Variants in WWP2 observed in about 807,000 individuals in gnomAD.
WWP2 encodes NEDD4-like E3 ubiquitin-protein ligase WWP2.
A neutral mutation model predicts 121.0 loss-of-function variants in WWP2; 57 were observed. The ratio of observed to expected loss-of-function variants is 0.47; its 90% confidence interval spans 0.38 to 0.59. The LOEUF (loss-of-function observed/expected upper bound fraction) is 0.59, where lower values mean the gene tolerates loss of function less well. Ranked by LOEUF, WWP2 falls within the 20% of genes least tolerant of loss-of-function variation. The pLI, the probability that WWP2 is intolerant of heterozygous loss-of-function variation, is 0.00. For missense variants in WWP2, 962 were observed against 1,158.9 expected, an observed-to-expected ratio of 0.83 and a Z score of 2.47; for synonymous variants, 449 against 441.3, an observed-to-expected ratio of 1.02 and a Z score of -0.22.
At position 69,925,411 on chromosome 16, in the gene WWP2, CTG is replaced by C. The variant is rs1188091054; in HGVS notation, c.1180-15_1180-14del. ...GGCTTTTTGTAACCTCTGTGTTCTGCTGTGTTTCTTGTGTTTAGTCTTCGAGT... is the reference window on the plus strand; with the variant it reads ...GGCTTTTTGTAACCTCTGTGTTCTGCTGTTTCTTGTGTTTAGTCTTCGAGT... On this transcript the variant is annotated splice_polypyrimidine_tract_variant and intron_variant, in intron 10 of 23. Transcript: ENST00000359154. This position sits in a 1 kb window ranked among gnomAD's most constrained non-coding sequence, Gnocchi z 4.0. 1 of 1,612,944 alleles carries C rather than the reference CTG, an allele frequency of 6.2e-7. No homozygotes were observed. The highest frequency in any genetic ancestry group is 2.2e-5 in the East Asian group (1 of 44,866).
At chr16:69,923,036 C>G (rs991222220) in intron 10 of WWP2, among the ~76,000 whole-genome samples, 2 of 151,984 alleles carry the variant, frequency 1.3e-5, no homozygotes, top group South Asian at 4.1e-4. Context: ...ATTATAGGTG[C>G]CTGCCACTAT....
chr16:69,846,883 T>C (rs1269916741), intron 6 of WWP2, among the ~76,000 whole-genome samples: 1 of 152,052 alleles, frequency 6.6e-6, no homozygotes, highest in African/African-American at 2.4e-5. Context: ...CAAGTGTTCA[T>C]TATTTTATTC....
At chr16:69,893,321 T>C (rs58892726) in intron 8 of WWP2, among the ~76,000 whole-genome samples, 5,663 of 152,280 alleles carry the variant, frequency 0.037, 298 homozygotes, top group African/African-American at 0.12. Flanking sequence ...CAGAGTAGGC[T>C]CCCAAGACAT....
At chr16:69,883,037 C>T (rs1484251390) in intron 7 of WWP2, among the ~76,000 whole-genome samples, 1 of 151,910 alleles carries the variant, frequency 6.6e-6, no homozygotes, top group Non-Finnish European at 1.5e-5. Flanking sequence ...CTTGTAATCC[C>T]AGCTACTTGG....
intron 9 of WWP2, chr16:69,910,415 CTTT>C (rs796675658): frequency 3.6e-5 from 27 of 750,184 alleles, no homozygotes; most frequent in Non-Finnish European, 4.4e-5. Context: ...TGTACTGTGG[CTTT>C]TTTTTTTTTA....
intron 8 of WWP2, among the ~76,000 whole-genome samples, chr16:69,900,593 G>C (rs1212843445): frequency 6.6e-6 from 1 of 151,928 alleles, no homozygotes; most frequent in African/African-American, 2.4e-5. Context: ...TGCGATCTCA[G>C]ATCACTGCAT....
At chr16:69,918,814 T>A (rs973994293) in intron 10 of WWP2, among the ~76,000 whole-genome samples, 26 of 151,952 alleles carry the variant, frequency 1.7e-4, no homozygotes, top group African/African-American at 6.3e-4. Context: ...ACCTAAAGAG[T>A]AACATTTAAA....
At chr16:69,927,632 G>A (rs2058658144) in intron 11 of WWP2, among the ~76,000 whole-genome samples, 1 of 152,202 alleles carries the variant, frequency 6.6e-6, no homozygotes, top group East Asian at 1.9e-4. Flanking sequence ...CTGGCCCTGT[G>A]GTTAGCCTTG....
intron 19 of WWP2, 145 bp from the exon 20 acceptor site, chr16:69,936,973 G>C (rs2058809192): frequency 3.5e-5 from 41 of 1,156,428 alleles, no homozygotes; most frequent in Non-Finnish European, 4.7e-5. Flanking sequence ...CCTCACTCTA[G>C]GTCCTCCAGC....
At chr16:69,829,442 C>T (rs1014811180) in intron 4 of WWP2, among the ~76,000 whole-genome samples, 1 of 152,200 alleles carries the variant, frequency 6.6e-6, no homozygotes, top group African/African-American at 2.4e-5. Flanking sequence ...ACTCAGTCCT[C>T]CCACCCATTT....
At chr16:69,902,278 AAGATGGCAATTGTG>A in intron 8 of WWP2, among the ~76,000 whole-genome samples, 1 of 152,342 alleles carries the variant, frequency 6.6e-6, no homozygotes, top group African/African-American at 2.4e-5. Flanking sequence ...TTAACCTGTG[AAGATGGCAATTGTG>A]AGTGGATTGG....
In WWP2 at chr16:69,930,322, C is replaced by G. The variant is rs1452294519; in HGVS notation, c.1445+64C>G. Reference sequence around the variant, plus strand: ...GAGGCCCAGGCTGTCCTTGTTCTGGCTCTGGGAGGCCCACTTTGGGTGGCC... The same window carrying G: ...GAGGCCCAGGCTGTCCTTGTTCTGGGTCTGGGAGGCCCACTTTGGGTGGCC... On this transcript the variant is annotated intron_variant, in intron 13 of 23. Coordinates refer to ENST00000359154, the MANE Select transcript of WWP2 (RefSeq NM_001270454.2). The G allele has an allele frequency of 2.5e-6, 4 of 1,588,930 alleles. No individual in the cohort carries two copies. In the African/African-American group the frequency reaches 5.4e-5, roughly 21 times the overall value.
At chr16:69,869,988 G>A (rs922260849) in intron 6 of WWP2, among the ~76,000 whole-genome samples, 1 of 152,264 alleles carries the variant, frequency 6.6e-6, no homozygotes, top group Non-Finnish European at 1.5e-5. Context: ...CAAAAAAATA[G>A]CCCAAGAGGA....
chr16:69,871,021 C>T (rs748705670), intron 6 of WWP2, among the ~76,000 whole-genome samples: 1 of 152,138 alleles, frequency 6.6e-6, no homozygotes, highest in Non-Finnish European at 1.5e-5. Context: ...CATAGTGGCT[C>T]ATACTTGTAA....
chr16:69,775,941 A>C (rs1237742528), intron 1 of WWP2, among the ~76,000 whole-genome samples: 1 of 152,156 alleles, frequency 6.6e-6, no homozygotes, highest in African/African-American at 2.4e-5. Context: ...TGAGGCTTCA[A>C]ATTCCTCTAG....
At chr16:69,862,306 C>T (rs1430708489) in intron 6 of WWP2, among the ~76,000 whole-genome samples, 1 of 152,170 alleles carries the variant, frequency 6.6e-6, no homozygotes, top group East Asian at 1.9e-4. Context: ...CTCAGGTGAT[C>T]CACTCACCTC....
chr16:69,892,645 C>T (rs1179875204), intron 8 of WWP2, among the ~76,000 whole-genome samples: 5 of 152,134 alleles, frequency 3.3e-5, no homozygotes, highest in African/African-American at 1.2e-4. Flanking sequence ...GTGATCCTCC[C>T]ACCTCAGCCT....
At chr16:69,897,142 A>G (rs1292003647) in intron 8 of WWP2, among the ~76,000 whole-genome samples, 1 of 151,280 alleles carries the variant, frequency 6.6e-6, no homozygotes, top group East Asian at 1.9e-4. Context: ...AATCTGTGTC[A>G]CCCAGGCTGG....
intron 1 of WWP2, among the ~76,000 whole-genome samples, chr16:69,770,185 T>C (rs972942573): frequency 6.6e-6 from 1 of 152,130 alleles, no homozygotes. Flanking sequence ...GTGCTAATAA[T>C]TGACCTTTGG....
Sources: allele counts gnomAD v4.1 joint callset (sites outside exome capture counted in the v4.1 genomes callset), GRCh38; gene constraint gnomAD v4.1.1; non-coding constraint Gnocchi (gnomAD v3.1); transcripts MANE v1.5; gene names NCBI Gene and HGNC (gene_info 2026-07-23, HGNC 2026-07-21).